Variants in GRID2 observed in about 807,000 individuals in gnomAD.
GRID2 encodes the protein glutamate ionotropic receptor delta type subunit 2, also known as glutamate receptor ionotropic, delta-2.
Under a neutral mutation model 114.8 loss-of-function variants are expected in GRID2, and 33 were observed. That is an observed-to-expected ratio of 0.29 (90% CI 0.22 to 0.38). The LOEUF is 0.38. Among genes scored for constraint, GRID2 ranks in the 10% least tolerant of loss-of-function variants. GRID2 has a pLI of 1.00. For synonymous variants in GRID2, 505 were observed against 449.9 expected, an observed-to-expected ratio of 1.12 and a Z score of -1.55; for missense variants, 1,184 against 1,257.7, an observed-to-expected ratio of 0.94 and a Z score of 0.89.
downstream of GRID2, among the ~76,000 whole-genome samples, chr4:93,776,835 A>G (rs1373191545): frequency 2.6e-5 from 4 of 152,180 alleles, no homozygotes; most frequent in Non-Finnish European, 5.9e-5. Flanking sequence ...ATACTTGCAT[A>G]CCATTCAGAG....
chr4:93,696,585 G>A (rs1727038548), intron 14 of GRID2, among the ~76,000 whole-genome samples: 1 of 152,126 alleles, frequency 6.6e-6, no homozygotes, highest in Admixed American at 6.5e-5. Flanking sequence ...TTGAGTTTTA[G>A]GGTACATGTG....
chr4:93,539,322 C>T (rs1398728285), intron 13 of GRID2, among the ~76,000 whole-genome samples: 3 of 151,926 alleles, frequency 2.0e-5, no homozygotes, highest in Admixed American at 2.0e-4. Context: ...TGTTGCCTAT[C>T]CTCTTGTTAA....
chr4:93,067,603 G>T (rs187518788), intron 2 of GRID2, among the ~76,000 whole-genome samples: 1 of 151,882 alleles, frequency 6.6e-6, no homozygotes, highest in East Asian at 1.9e-4. Flanking sequence ...AATTTGGGGG[G>T]AACACATACA....
At chr4:92,611,064 GTGTGTATA>G in intron 2 of GRID2, among the ~76,000 whole-genome samples, 1 of 136,542 alleles carries the variant, frequency 7.3e-6, no homozygotes, top group Non-Finnish European at 1.7e-5. Context: ...ATATATGTGT[GTGTGTATA>G]TATATATGTG....
At chr4:93,528,957 C>A (rs1164808646) in intron 13 of GRID2, among the ~76,000 whole-genome samples, 1 of 152,058 alleles carries the variant, frequency 6.6e-6, no homozygotes, top group Admixed American at 6.6e-5. Context: ...GAAAATTATA[C>A]CTAAAAAGGT....
At chr4:92,411,655 G>GTGTGTGTGTATATATATATATATATATA in intron 1 of GRID2, among the ~76,000 whole-genome samples, 12 of 84,690 alleles carry the variant, frequency 1.4e-4, no homozygotes, top group African/African-American at 5.3e-4. Context: ...GTGTGTGTGT[G>GTGTGTGTGTATATATATATATATATATA]TATATATATA....
intron 2 of GRID2, among the ~76,000 whole-genome samples, chr4:92,820,295 A>G (rs1741188838): frequency 6.6e-6 from 1 of 152,166 alleles, no homozygotes; most frequent in Admixed American, 6.6e-5. Context: ...ATTAATATGT[A>G]GGCAAAAGGA....
At chr4:93,051,645 C>A (rs1379648999) in intron 2 of GRID2, among the ~76,000 whole-genome samples, 1 of 152,004 alleles carries the variant, frequency 6.6e-6, no homozygotes. Flanking sequence ...AAAGGAGTAT[C>A]TTTCCATGGT....
rs1284521543 is a variant in GRID2 at position 92,789,112 on chromosome 4, AT to A, written c.244+198829del. On this transcript the variant is annotated intron_variant, in intron 2 of 15. Coordinates refer to ENST00000282020, the MANE Select transcript of GRID2 (RefSeq NM_001510.4). ...TTTCTATTAGCATTTAGAAGATATTATTTCAGTGTCTTTCAGTTTCTGTTGC... is the reference window on the plus strand; with the variant it reads ...TTTCTATTAGCATTTAGAAGATATTATTCAGTGTCTTTCAGTTTCTGTTGC... Among the ~76,000 whole-genome samples the A allele has an allele frequency of 3.3e-5, 5 of 152,006 alleles. No individual in the cohort carries two copies. In the East Asian group the frequency reaches 9.7e-4, roughly 30 times the overall value.
At chr4:93,168,704 A>C (rs1302671446) in intron 4 of GRID2, among the ~76,000 whole-genome samples, 1 of 152,158 alleles carries the variant, frequency 6.6e-6, no homozygotes, top group South Asian at 2.1e-4. Context: ...ACAGAAAAAG[A>C]GAAACAGAAC....
intron 1 of GRID2, among the ~76,000 whole-genome samples, chr4:92,339,979 G>C (rs2110160471): frequency 6.6e-6 from 1 of 152,224 alleles, no homozygotes; most frequent in South Asian, 2.1e-4. Context: ...TGTAAACTGA[G>C]TTTAAGAATG....
chr4:93,012,882 T>A (rs771061357), intron 2 of GRID2, among the ~76,000 whole-genome samples: 6 of 152,018 alleles, frequency 3.9e-5, no homozygotes, highest in Non-Finnish European at 8.8e-5. Flanking sequence ...TGGGAATATA[T>A]ATGACATATA....
intron 2 of GRID2, among the ~76,000 whole-genome samples, chr4:92,942,796 C>A (rs1485324052): frequency 1.3e-5 from 2 of 152,132 alleles, no homozygotes. Context: ...ATTTGCTTGT[C>A]TGTAAAGGAT....
intron 14 of GRID2, among the ~76,000 whole-genome samples, chr4:93,685,853 G>C (rs1166076779): frequency 1.3e-5 from 2 of 151,968 alleles, no homozygotes; most frequent in African/African-American, 2.4e-5. Context: ...ATTCTATTCA[G>C]AGAAGTCAAA....
At chr4:93,667,173 T>A (rs1724017959) in intron 14 of GRID2, among the ~76,000 whole-genome samples, 1 of 151,908 alleles carries the variant, frequency 6.6e-6, no homozygotes, top group Non-Finnish European at 1.5e-5. Context: ...ACAGTTAGAG[T>A]TAAGTCAGAG....
At chr4:93,348,278 T>C (rs1760443205) in intron 8 of GRID2, among the ~76,000 whole-genome samples, 2 of 152,194 alleles carry the variant, frequency 1.3e-5, no homozygotes, top group African/African-American at 2.4e-5. Context: ...ACACATGTTA[T>C]TGAAGGTAAT....
intron 2 of GRID2, among the ~76,000 whole-genome samples, chr4:92,980,576 T>A (rs1754129695): frequency 6.6e-6 from 1 of 152,098 alleles, no homozygotes; most frequent in Non-Finnish European, 1.5e-5. Flanking sequence ...GTAGAGGCTG[T>A]CATTTATCAA....
chr4:93,388,425 C>T (rs1453630205), intron 8 of GRID2, among the ~76,000 whole-genome samples: 4 of 152,040 alleles, frequency 2.6e-5, no homozygotes, highest in Admixed American at 2.6e-4. Flanking sequence ...TTTTTTATAA[C>T]TCCCCTAGCG....
At chr4:93,157,852 A>G (rs2149404068) in intron 4 of GRID2, among the ~76,000 whole-genome samples, 1 of 151,912 alleles carries the variant, frequency 6.6e-6, no homozygotes, top group Non-Finnish European at 1.5e-5. Context: ...TGATAGGCAT[A>G]CATATTATAC....
Sources: gnomAD v4.1 joint callset for allele counts (sites outside exome capture counted in the v4.1 genomes callset) on GRCh38, gnomAD v4.1.1 for gene constraint, MANE v1.5 for transcripts, NCBI Gene and HGNC (gene_info 2026-07-23, HGNC 2026-07-21) for gene names.